SLC26A7: variants seen among roughly 807,000 people sequenced by gnomAD.
SLC26A7 encodes anion exchange transporter.
SLC26A7 carries 59 observed loss-of-function variants against 82.5 expected under a neutral mutation model. The observed-to-expected ratio is 0.72, with a 90% CI of 0.58 to 0.89. The LOEUF is 0.89. SLC26A7 is among the 40% of genes least tolerant of loss of function. SLC26A7 has a pLI of 0.00. For missense variants in SLC26A7, 820 were observed against 793.0 expected (o/e 1.03, Z -0.41); for synonymous variants, 271 against 274.3 (o/e 0.99, Z 0.12).
At chr8:91,389,988 C>T (rs975391488) in intron 16 of SLC26A7, among the ~76,000 whole-genome samples, 3 of 152,152 alleles carry the variant, frequency 2.0e-5, no homozygotes, top group Non-Finnish European at 4.4e-5. Context: ...AATAACACTC[C>T]ACTTATGGCT....
chr8:91,263,082 G>A (rs908059027), intron 2 of SLC26A7, among the ~76,000 whole-genome samples: 2 of 152,094 alleles, frequency 1.3e-5, no homozygotes, highest in South Asian at 4.1e-4. Flanking sequence ...AAAGTGATTG[G>A]TAGTAATTTT....
At chr8:91,285,465 C>T (rs567733046) in intron 2 of SLC26A7, among the ~76,000 whole-genome samples, 7 of 152,374 alleles carry the variant, frequency 4.6e-5, no homozygotes, top group African/African-American at 1.2e-4. Flanking sequence ...CCCTATTCCA[C>T]GATGAGCTCA....
intron 15 of SLC26A7, among the ~76,000 whole-genome samples, chr8:91,373,045 TA>T (rs1206838677): frequency 2.0e-5 from 3 of 151,924 alleles, no homozygotes; most frequent in East Asian, 3.9e-4. Context: ...TTGGTGTACA[TA>T]AATGCAACAG....
At chr8:91,251,019 C>T (rs936692953) in intron 2 of SLC26A7, among the ~76,000 whole-genome samples, 12 of 146,446 alleles carry the variant, frequency 8.2e-5, no homozygotes, top group African/African-American at 2.8e-4. Context: ...GAAACAATAC[C>T]AATGTACTTT....
intron 2 of SLC26A7, among the ~76,000 whole-genome samples, chr8:91,224,188 T>G (rs1810201879): frequency 6.6e-6 from 1 of 152,108 alleles, no homozygotes; most frequent in Non-Finnish European, 1.5e-5. Context: ...TGTCAGTTCG[T>G]CTATCTGATC....
intron 1 of SLC26A7, among the ~76,000 whole-genome samples, chr8:91,213,819 G>T (rs902089992): frequency 1.4e-4 from 22 of 152,096 alleles, no homozygotes; most frequent in Admixed American, 7.2e-4. Flanking sequence ...GTAAGGAGGA[G>T]AATAAATCAT....
chr8:91,318,632 A>T (rs1450766708), intron 5 of SLC26A7, among the ~76,000 whole-genome samples: 1 of 152,200 alleles, frequency 6.6e-6, no homozygotes, highest in Admixed American at 6.6e-5. Context: ...TAGAAAAAAA[A>T]AACCTGAATT....
At chr8:91,228,773 G>A (rs1259547901) in intron 2 of SLC26A7, among the ~76,000 whole-genome samples, 1 of 152,074 alleles carries the variant, frequency 6.6e-6, no homozygotes, top group African/African-American at 2.4e-5. Context: ...GAAACCAGGG[G>A]TTTCTTGTGG....
At chr8:91,294,326 T>C (rs1168516360) in intron 3 of SLC26A7, among the ~76,000 whole-genome samples, 2 of 152,148 alleles carry the variant, frequency 1.3e-5, no homozygotes, top group Non-Finnish European at 2.9e-5. Flanking sequence ...ACAAAAACAT[T>C]GAGGTGACAG....
At chr8:91,334,269 G>T (rs199829679) in intron 5 of SLC26A7, 26 bp from the exon 6 acceptor site, 41 of 1,590,740 alleles carry the variant, frequency 2.6e-5, no homozygotes, top group Admixed American at 8.9e-5. Context: ...CCTGAATTTT[G>T]TTTGTATTTT....
intron 2 of SLC26A7, among the ~76,000 whole-genome samples, chr8:91,231,591 T>G (rs570453444): frequency 1.3e-5 from 2 of 152,324 alleles, no homozygotes; most frequent in South Asian, 4.1e-4. Flanking sequence ...TTCTTTTCTT[T>G]TCTTTTTCTG....
chr8:91,339,543 A>T (rs1036170394), intron 7 of SLC26A7, among the ~76,000 whole-genome samples: 1 of 152,154 alleles, frequency 6.6e-6, no homozygotes, highest in African/African-American at 2.4e-5. Context: ...AATAGCTATT[A>T]TGAAAGGGCC....
chr8:91,368,198 C>T (rs994327820), intron 14 of SLC26A7, among the ~76,000 whole-genome samples: 5 of 152,122 alleles, frequency 3.3e-5, no homozygotes, highest in Non-Finnish European at 5.9e-5. Context: ...GATTTATCAA[C>T]ATGTTTACTC....
chr8:91,358,072 A>G (rs1323743496), intron 11 of SLC26A7, among the ~76,000 whole-genome samples: 13 of 152,216 alleles, frequency 8.5e-5, no homozygotes, highest in Non-Finnish European at 1.5e-5. Flanking sequence ...ATCATCTCCC[A>G]CCAGTTAGAA....
intron 15 of SLC26A7, among the ~76,000 whole-genome samples, chr8:91,376,114 T>C (rs1478512819): frequency 1.3e-5 from 2 of 152,192 alleles, no homozygotes; most frequent in Non-Finnish European, 2.9e-5. Context: ...ATAGCTATCT[T>C]TCAAATCCTG....
chr8:91,247,449 T>G (rs1247586375), upstream of SLC26A7, among the ~76,000 whole-genome samples: 1 of 152,128 alleles, frequency 6.6e-6, no homozygotes, highest in Non-Finnish European at 1.5e-5. Flanking sequence ...CATTGCTGAT[T>G]ATAAATAGGC....
intron 2 of SLC26A7, among the ~76,000 whole-genome samples, chr8:91,229,934 C>T (rs193133032): frequency 1.1e-4 from 17 of 152,280 alleles, no homozygotes; most frequent in South Asian, 6.2e-4. Context: ...AATCTGGCAA[C>T]GCTGCTTTCT....
chr8:91,257,541 G>T (rs1194091184), intron 2 of SLC26A7, among the ~76,000 whole-genome samples: 1 of 151,886 alleles, frequency 6.6e-6, no homozygotes, highest in African/African-American at 2.4e-5. Context: ...CTGCACAAAG[G>T]CAAGACTTGA....
chr8:91,238,961 C>T (rs78663208), intron 2 of SLC26A7, among the ~76,000 whole-genome samples: 1 of 152,238 alleles, frequency 6.6e-6, no homozygotes, highest in East Asian at 1.9e-4. Context: ...GATTGATAGG[C>T]GTAAGTACTA....
Sources: gnomAD v4.1 joint callset for allele counts (sites outside exome capture counted in the v4.1 genomes callset) on GRCh38, gnomAD v4.1.1 for gene constraint, MANE v1.5 for transcripts, NCBI Gene and HGNC (gene_info 2026-07-23, HGNC 2026-07-21) for gene names.